The following HHIP variants were observed in gnomAD, a reference collection of about 807,000 sequenced individuals.
The protein encoded by HHIP is hedgehog-interacting protein.
HHIP carries 12 observed loss-of-function variants against 74.0 expected under a neutral mutation model. The observed-to-expected ratio is 0.16, with a 90% CI of 0.10 to 0.26. The LOEUF (loss-of-function observed/expected upper bound fraction) is 0.26. HHIP is among the 10% of genes least tolerant of loss of function. The probability of loss-of-function intolerance (pLI) is 1.00; values close to 1 mark genes in which losing one functional copy is unlikely to be tolerated. For synonymous variants in HHIP, 309 were observed against 311.6 expected (o/e 0.99, Z 0.09); for missense variants, 788 against 845.0 (o/e 0.93, Z 0.84).
chr4:144,737,212 A>G (rs1256872072), intron 12 of HHIP, among the ~76,000 whole-genome samples: 3 of 152,210 alleles, frequency 2.0e-5, no homozygotes, highest in African/African-American at 7.2e-5. Context: ...GTGTAATCAG[A>G]GAGCAAAGCA....
chr4:144,646,493 G>A lies in HHIP; in HGVS notation c.-183G>A. ...CCCCTAAGGCATTGGACCCATCGCC[G>A]CGTCTTTTATTTTTTGCAAAGTTGC... is the stretch of plus-strand genomic sequence containing the variant. On this transcript the variant is annotated 5_prime_UTR_variant, in exon 1 of 13. Coordinates refer to ENST00000296575, the MANE Select transcript of HHIP (RefSeq NM_022475.3). 1 of 594,376 alleles carries A rather than the reference G, an allele frequency of 1.7e-6. No individual in the cohort carries two copies. 36.8% of individuals were successfully genotyped at this position (594,376 alleles called of 1,614,324 possible).
chr4:144,676,851 C>T (rs1480613139), intron 4 of HHIP, among the ~76,000 whole-genome samples: 1 of 152,118 alleles, frequency 6.6e-6, no homozygotes, highest in East Asian at 1.9e-4. Flanking sequence ...TTGGAGATGC[C>T]AGAGGAAAGA....
Position 144,738,024 on chromosome 4 carries a change from A to C in HHIP, c.*67A>C. On this transcript the variant is annotated 3_prime_UTR_variant, in exon 13 of 13. Transcript: ENST00000296575. ...TTTTTTATCCTGTCATTAAAAAAAA[A>C]AGACTGTTATCCTGCTACACACTCC... is the stretch of plus-strand genomic sequence containing the variant. 6.8e-7 allele frequency: 1 copy of C among 1,468,862 alleles called. No individual in the cohort carries two copies. The allele number at this position is 1,468,862 out of a possible 1,614,324, so 91.0% of individuals were successfully genotyped here.
At position 144,714,331 on chromosome 4, in the gene HHIP, G is replaced by A. The variant is rs1730388208; in HGVS notation, c.1530G>A (p.Val510=). The A allele has an allele frequency of 6.2e-7, 1 of 1,613,418 alleles. No individual in the cohort carries two copies. Among genetic ancestry groups the A allele is most frequent in the Admixed American group, 1.7e-5 (1 of 59,958 alleles). Residue 510 remains valine (V), a synonymous_variant, in exon 9 of 13, where the codon GTG becomes GTA. Transcript: ENST00000296575. The part of the protein sequence containing the change: ...CQSERLYGSY[V]FGDRNGNFLT... ...CAGAAAGATTGTATGGAAGCTACGT[G>A]TTTGGAGATCGTAATGGGTAGGTTT...
Position 144,711,914 on chromosome 4 carries a change from G to A in HHIP, c.1302-36G>A, listed in dbSNP as rs182054084. The stretch of plus-strand genomic sequence containing the variant: ...CCAGTCTGAGCTTGGAAAAGATCAC[G>A]GTAGGAATTAATGTGTATCCCCTCT... On this transcript the variant is annotated intron_variant, in intron 7 of 12. Transcript: ENST00000296575. The A allele has an allele frequency of 1.8e-4, 283 of 1,594,368 alleles. No homozygotes were observed. The African/African-American group carries it at 3.2e-3, about 18-fold the overall frequency.
chr4:144,662,234 C>T (rs1464624885), intron 4 of HHIP, among the ~76,000 whole-genome samples: 4 of 152,116 alleles, frequency 2.6e-5, no homozygotes, highest in South Asian at 2.1e-4. Flanking sequence ...GTTGGACTTG[C>T]TTATCTCTTT....
intron 11 of HHIP, among the ~76,000 whole-genome samples, chr4:144,734,076 T>A (rs1000734820): frequency 2.6e-5 from 4 of 151,660 alleles, no homozygotes; most frequent in African/African-American, 4.8e-5. Flanking sequence ...AAATCAGATT[T>A]TATATATATA....
chr4:144,676,459 G>C (rs1447413294), intron 4 of HHIP, among the ~76,000 whole-genome samples: 4 of 152,150 alleles, frequency 2.6e-5, no homozygotes, highest in Admixed American at 2.6e-4. Flanking sequence ...GTTTGTTTTT[G>C]TTTGGTCAAA....
intron 7 of HHIP, among the ~76,000 whole-genome samples, chr4:144,711,081 G>C (rs943593857): frequency 6.6e-6 from 1 of 152,074 alleles, no homozygotes; most frequent in African/African-American, 2.4e-5. Context: ...AGTGGCTTAA[G>C]TCACAGAGAT....
intron 3 of HHIP, among the ~76,000 whole-genome samples, chr4:144,659,393 A>G (rs1345087503): frequency 6.6e-6 from 1 of 152,216 alleles, no homozygotes; most frequent in Non-Finnish European, 1.5e-5. Context: ...TGACATTTGA[A>G]AATATATACA....
intron 11 of HHIP, among the ~76,000 whole-genome samples, chr4:144,729,933 T>C (rs1395784583): frequency 6.6e-6 from 1 of 152,208 alleles, no homozygotes; most frequent in Non-Finnish European, 1.5e-5. Flanking sequence ...CAAAATAGAT[T>C]TCTGCAGTGC....
intron 10 of HHIP, among the ~76,000 whole-genome samples, chr4:144,717,654 A>G (rs1730494872): frequency 6.6e-6 from 1 of 152,100 alleles, no homozygotes; most frequent in Non-Finnish European, 1.5e-5. Flanking sequence ...CTAAAAGAGT[A>G]CCCCATCTGT....
intron 11 of HHIP, among the ~76,000 whole-genome samples, chr4:144,732,070 C>T (rs1730975619): frequency 6.6e-6 from 1 of 151,920 alleles, no homozygotes; most frequent in South Asian, 2.1e-4. Context: ...AGCTTCTGCC[C>T]TCAGAAAAAC....
chr4:144,702,991 CG>C (rs1444058340), intron 4 of HHIP, among the ~76,000 whole-genome samples: 1 of 151,934 alleles, frequency 6.6e-6, no homozygotes, highest in Non-Finnish European at 1.5e-5. Flanking sequence ...CCGAGGAGGG[CG>C]GATCACCTGA....
chr4:144,731,001 T>C (rs541107991), intron 11 of HHIP, among the ~76,000 whole-genome samples: 15 of 152,318 alleles, frequency 9.8e-5, no homozygotes, highest in Admixed American at 9.2e-4. Flanking sequence ...GTTTATTTAC[T>C]ATGATTATAA....
intron 10 of HHIP, among the ~76,000 whole-genome samples, chr4:144,716,908 C>G (rs1411316352): frequency 8.1e-6 from 1 of 124,186 alleles, no homozygotes; most frequent in Non-Finnish European, 1.6e-5. Context: ...TGGTTTGTGT[C>G]TGAGTTAGAG....
intron 6 of HHIP, 40 bp from the exon 7 acceptor site, chr4:144,708,128 T>G (rs1288721985): frequency 6.2e-7 from 1 of 1,604,216 alleles, no homozygotes; most frequent in South Asian, 1.1e-5. Flanking sequence ...AAATATATAA[T>G]GAAAATGTAA....
At chr4:144,689,722 C>T (rs1226885653) in intron 4 of HHIP, among the ~76,000 whole-genome samples, 2 of 152,156 alleles carry the variant, frequency 1.3e-5, no homozygotes, top group African/African-American at 4.8e-5. Context: ...CTTCTTTTTT[C>T]TACTAATATC....
intron 11 of HHIP, among the ~76,000 whole-genome samples, chr4:144,733,512 T>A (rs1731019051): frequency 6.6e-6 from 1 of 152,136 alleles, no homozygotes; most frequent in Non-Finnish European, 1.5e-5. Context: ...CATAGGGACA[T>A]AACAAGGTAA....
Sources: gnomAD v4.1 joint callset for allele counts (sites outside exome capture counted in the v4.1 genomes callset) on GRCh38, gnomAD v4.1.1 for gene constraint, MANE v1.5 for transcripts, NCBI Gene and HGNC (gene_info 2026-07-23, HGNC 2026-07-21) for gene names.